The following SEC31A variants were observed in gnomAD, a reference collection of about 807,000 sequenced individuals.
The protein encoded by SEC31A is protein transport protein Sec31A.
Under a neutral mutation model 151.0 loss-of-function variants are expected in SEC31A, and 70 were observed. That is an observed-to-expected ratio of 0.46 (90% CI 0.38 to 0.57). The LOEUF (loss-of-function observed/expected upper bound fraction) is 0.57, where lower values mean the gene tolerates loss of function less well. Ranked by LOEUF, SEC31A falls within the 20% of genes least tolerant of loss-of-function variation. SEC31A has a pLI of 0.00. For synonymous variants in SEC31A, 475 were observed against 505.9 expected (o/e 0.94, Z 0.82); for missense variants, 1,330 against 1,471.2 (o/e 0.90, Z 1.57).
chr4:82,829,675 C>T (rs975731985), intron 22 of SEC31A, among the ~76,000 whole-genome samples: 4 of 150,792 alleles, frequency 2.7e-5, no homozygotes, highest in Admixed American at 6.6e-5. Flanking sequence ...TTTTTAATGC[C>T]GTAAAAAAAA....
rs189845695 is a variant in SEC31A, at chr4:82,836,660, T to A, written c.2968+5480A>T. Among the ~76,000 whole-genome samples, 64 of 152,222 alleles carry A rather than the reference T, an allele frequency of 4.2e-4. No homozygotes were observed. The East Asian group carries it at 7.6e-3, about 18-fold the overall frequency. ...TTCTACTTATATAAGGTACCTAGAA[T>A]AGTCAAATACATAGAGACAGAAAGT... is the stretch of plus-strand genomic sequence containing the variant. On this transcript the variant is annotated intron_variant, in intron 22 of 26. Coordinates refer to ENST00000395310, the MANE Select transcript of SEC31A (RefSeq NM_001077207.4).
At position 82,864,435 on chromosome 4, in the gene SEC31A, A is replaced by G; in HGVS notation, c.1361T>C (p.Phe454Ser). 6.2e-7 allele frequency: 1 copy of G among 1,614,178 alleles called. No individual in the cohort carries two copies. Among genetic ancestry groups the G allele is most frequent in the Non-Finnish European group, 8.5e-7 (1 of 1,180,022 alleles). ...AATTTTTTTTTGGCAATAATTGATA[A>G]ATCCTTGTGACTGCACAGCCTGCTG... The part of the protein sequence containing the change: ...QLQQAVQSQG[F>S]INYCQKKIDA... The change falls in exon 11 of 27, where the codon TTT becomes TCT. Residue 454 changes from phenylalanine (F) to serine (S), a missense_variant. Transcript: ENST00000395310.
At chr4:82,873,658 G>A (rs1737264757) in intron 6 of SEC31A, among the ~76,000 whole-genome samples, 1 of 151,782 alleles carries the variant, frequency 6.6e-6, no homozygotes, top group African/African-American at 2.4e-5. Flanking sequence ...ATAGTTTTTT[G>A]TTGTTATTGT....
chr4:82,889,633 G>A (rs1741804048), intron 1 of SEC31A, among the ~76,000 whole-genome samples: 1 of 151,214 alleles, frequency 6.6e-6, no homozygotes, highest in Admixed American at 6.6e-5. Flanking sequence ...TTAGATTCCC[G>A]TAAGACAGTG....
chr4:82,836,077 T>C (rs1309186537), intron 22 of SEC31A, among the ~76,000 whole-genome samples: 1 of 152,066 alleles, frequency 6.6e-6, no homozygotes, highest in African/African-American at 2.4e-5. Flanking sequence ...CCTCTAGGTA[T>C]ATACACTAAA....
At chr4:82,872,167 T>C in intron 6 of SEC31A, 81 bp from the exon 7 acceptor site, 1 of 1,008,272 alleles carries the variant, frequency 9.9e-7, no homozygotes, top group South Asian at 1.4e-5. Flanking sequence ...ATACCTTTAT[T>C]GAAACAAATA....
At chr4:82,837,199 A>ATATATATAT (rs56888042) in intron 22 of SEC31A, among the ~76,000 whole-genome samples, 2,917 of 83,024 alleles carry the variant, frequency 0.035, 479 homozygotes, top group Non-Finnish European at 0.047. Context: ...ATATATATAT[A>ATATATATAT]ATTTCACCAC....
At chr4:82,853,949 A>G (rs1732005513) in intron 17 of SEC31A, among the ~76,000 whole-genome samples, 1 of 152,224 alleles carries the variant, frequency 6.6e-6, no homozygotes, top group Admixed American at 6.5e-5. Context: ...TGTACAACTA[A>G]TTTTTATTAA....
chr4:82,850,767 G>A (rs1446231924), intron 19 of SEC31A, among the ~76,000 whole-genome samples: 2 of 152,096 alleles, frequency 1.3e-5, no homozygotes, highest in African/African-American at 4.8e-5. Flanking sequence ...TCACACTTCT[G>A]GAATCTCATG....
At chr4:82,845,151 AT>A in intron 20 of SEC31A, 1 of 1,212,568 alleles carries the variant, frequency 8.2e-7, no homozygotes, top group Non-Finnish European at 1.2e-6. Flanking sequence ...ATATAACTGT[AT>A]ATTTAGGTGA....
intron 1 of SEC31A, among the ~76,000 whole-genome samples, chr4:82,888,350 C>CAA (rs1177774222): frequency 0.016 from 410 of 25,726 alleles, 19 homozygotes; most frequent in Middle Eastern, 0.029. Context: ...GACTCCGTCT[C>CAA]AAAAAAAAAA....
intron 12 of SEC31A, 135 bp downstream of exon 12, chr4:82,863,183 G>GA (rs1734559236): frequency 5.0e-6 from 3 of 599,174 alleles, no homozygotes; most frequent in Non-Finnish European, 2.8e-6. Flanking sequence ...AAAGAAAAAG[G>GA]GAAAAAACGC....
intron 7 of SEC31A, chr4:82,871,432 G>A (rs1178857170): frequency 6.7e-7 from 1 of 1,489,918 alleles, no homozygotes; most frequent in Non-Finnish European, 9.0e-7. Flanking sequence ...GTGACTTTAA[G>A]CAAAACAATG....
At chr4:82,856,835 G>A in intron 16 of SEC31A, 117 bp downstream of exon 16, 8 of 844,072 alleles carry the variant, frequency 9.5e-6, no homozygotes, top group Non-Finnish European at 1.2e-5. Context: ...AAGGAATTAT[G>A]AATGAGCTTT....
At chr4:82,832,015 A>T (rs1282354762) in intron 22 of SEC31A, among the ~76,000 whole-genome samples, 1 of 152,212 alleles carries the variant, frequency 6.6e-6, no homozygotes, top group African/African-American at 2.4e-5. Flanking sequence ...TGCTATCCCC[A>T]TCAAGCTACC....
At chr4:82,868,721 G>C (rs1735961731) in intron 8 of SEC31A, among the ~76,000 whole-genome samples, 1 of 151,304 alleles carries the variant, frequency 6.6e-6, no homozygotes, top group Non-Finnish European at 1.5e-5. Flanking sequence ...TTTGAGACAG[G>C]GTCTCACACT....
In SEC31A at chr4:82,857,003, C is replaced by A. The variant is rs144162230; in HGVS notation, c.1830G>T (p.Leu610Phe). 15 of 1,612,674 alleles carry A rather than the reference C, an allele frequency of 9.3e-6. No homozygotes were observed. The African/African-American group carries it at 1.9e-4, about 20-fold the overall frequency. The change falls in exon 16 of 27, where the codon TTG (leucine) becomes TTT (phenylalanine). Residue 610 changes from leucine to phenylalanine, a missense_variant. Transcript: ENST00000395310. ...CGAAGTATTTTTTCTGGGTTCGAGC[C>A]AAGAGTTCTTGTCCACCTGCTATGG... Reference protein sequence around the residue: ...ILAIAGGQELLARTQKKYFAK... With the variant: ...ILAIAGGQELFARTQKKYFAK...
At chr4:82,850,093 T>C (rs1731165092) in intron 19 of SEC31A, among the ~76,000 whole-genome samples, 1 of 145,888 alleles carries the variant, frequency 6.9e-6, no homozygotes, top group South Asian at 2.2e-4. Context: ...CTTTTTGGCC[T>C]AAAGAATGTT....
intron 1 of SEC31A, among the ~76,000 whole-genome samples, chr4:82,883,804 G>A (rs1271798488): frequency 1.3e-5 from 2 of 151,404 alleles, no homozygotes; most frequent in African/African-American, 4.9e-5. Context: ...AATCCAGCCT[G>A]GGCGACAGAG....
Sources: allele counts gnomAD v4.1 joint callset (sites outside exome capture counted in the v4.1 genomes callset), GRCh38; gene constraint gnomAD v4.1.1; transcripts MANE v1.5; gene names NCBI Gene and HGNC (gene_info 2026-07-23, HGNC 2026-07-21).